Variants in CELF4 observed in about 807,000 individuals in gnomAD.
CELF4 encodes CUG-BP- and ETR-3-like factor 4.
Under a neutral mutation model 59.9 loss-of-function variants are expected in CELF4, and 18 were observed. That is an observed-to-expected ratio of 0.30 (90% CI 0.21 to 0.45). The LOEUF (loss-of-function observed/expected upper bound fraction) is 0.45, where lower values mean the gene tolerates loss of function less well. CELF4 is among the 20% of genes least tolerant of loss of function. The probability of loss-of-function intolerance (pLI) is 1.00; values close to 1 mark genes in which losing one functional copy is unlikely to be tolerated. For missense variants in CELF4, 456 were observed against 689.0 expected (o/e 0.66, Z 3.79); for synonymous variants, 261 against 267.1 (o/e 0.98, Z 0.22).
intron 2 of CELF4, among the ~76,000 whole-genome samples, chr18:37,419,336 G>A (rs932669668): frequency 1.3e-5 from 2 of 152,194 alleles, no homozygotes; most frequent in Non-Finnish European, 1.5e-5. Context: ...TGAGGAGGAG[G>A]TTAGTCCTTC....
At position 37,246,480 on chromosome 18, in the gene CELF4, C is replaced by A. The variant is rs1022140977; in HGVS notation, c.*45-1283G>T. On this transcript the variant is annotated intron_variant, in intron 12 of 12. Transcript: ENST00000420428. This position sits in a 1 kb window ranked among gnomAD's most constrained non-coding sequence, Gnocchi z 5.3. ...AGAAGTGGTTACAATACAAACCTTA[C>A]AATTGTTACCGGGCTCTCTTGCAGA... is the stretch of plus-strand genomic sequence containing the variant. Among the ~76,000 whole-genome samples the A allele has an allele frequency of 6.6e-6, 1 of 151,610 alleles. No individual in the cohort carries two copies. Among genetic ancestry groups the A allele is most frequent in the Non-Finnish European group, 1.5e-5 (1 of 67,938 alleles).
At chr18:37,297,879 C>T (rs1455544949) in intron 3 of CELF4, among the ~76,000 whole-genome samples, 1 of 151,662 alleles carries the variant, frequency 6.6e-6, no homozygotes, top group African/African-American at 2.4e-5. Flanking sequence ...GCCCAGATGC[C>T]AGACCCTGTG....
In CELF4 at chr18:37,274,793, G is replaced by T; in HGVS notation, c.657+12C>A. ...GCTGCCCTCGCCCCCGCCCCAAGGGGCCAGCACTCACCGGCATGGTCTGGC... is the reference window on the plus strand; with the variant it reads ...GCTGCCCTCGCCCCCGCCCCAAGGGTCCAGCACTCACCGGCATGGTCTGGC... On this transcript the variant is annotated intron_variant, in intron 5 of 12. Coordinates refer to ENST00000420428, the MANE Select transcript of CELF4 (RefSeq NM_020180.4). 6.3e-7 allele frequency: 1 copy of T among 1,579,822 alleles called. No individual in the cohort carries two copies.
intron 1 of CELF4, among the ~76,000 whole-genome samples, chr18:37,486,495 G>T (rs1273814006): frequency 2.0e-5 from 3 of 152,242 alleles, no homozygotes; most frequent in African/African-American, 7.2e-5. Context: ...GGCCAAGAGA[G>T]TGGGGATGGG....
chr18:37,265,041 GTACAT>G (rs1213398061), intron 9 of CELF4, among the ~76,000 whole-genome samples: 10 of 151,350 alleles, frequency 6.6e-5, no homozygotes, highest in African/African-American at 1.9e-4. Flanking sequence ...ACGTGTGTGT[GTACAT>G]TACATGTGTA....
chr18:37,414,487 T>C (rs56386931), intron 2 of CELF4, among the ~76,000 whole-genome samples: 9 of 127,472 alleles, frequency 7.1e-5, no homozygotes, highest in Non-Finnish European at 1.2e-4. Context: ...TCTACTCATT[T>C]TTTTTCTTTT....
intron 1 of CELF4, among the ~76,000 whole-genome samples, chr18:37,536,250 T>C (rs2099973398): frequency 6.6e-6 from 1 of 151,994 alleles, no homozygotes; most frequent in Admixed American, 6.6e-5. Flanking sequence ...CAAACAGGCT[T>C]TTCCAGGGAA....
chr18:37,531,686 G>C (rs1309511889), intron 1 of CELF4, among the ~76,000 whole-genome samples: 1 of 152,212 alleles, frequency 6.6e-6, no homozygotes, highest in Non-Finnish European at 1.5e-5. Flanking sequence ...AGAAGTTTGG[G>C]AATGGAGGAT....
intron 3 of CELF4, among the ~76,000 whole-genome samples, chr18:37,319,318 C>G (rs1017582862): frequency 1.3e-5 from 2 of 152,364 alleles, no homozygotes; most frequent in South Asian, 2.1e-4. Flanking sequence ...CACGTGGGCC[C>G]CTCACGCCTG....
chr18:37,474,720 A>G (rs1450163336), intron 2 of CELF4, among the ~76,000 whole-genome samples: 1 of 152,226 alleles, frequency 6.6e-6, no homozygotes, highest in Non-Finnish European at 1.5e-5. Context: ...CTGTCATCGG[A>G]GTTAGAGAGA....
intron 2 of CELF4, among the ~76,000 whole-genome samples, chr18:37,453,538 G>T (rs2099769887): frequency 6.6e-6 from 1 of 152,188 alleles, no homozygotes; most frequent in Non-Finnish European, 1.5e-5. Flanking sequence ...TGGGATTTAA[G>T]AGAAAGGGGT....
At chr18:37,528,292 A>G (rs1391568012) in intron 1 of CELF4, among the ~76,000 whole-genome samples, 2 of 152,242 alleles carry the variant, frequency 1.3e-5, no homozygotes, top group African/African-American at 4.8e-5. Context: ...GAATGCTTAC[A>G]TCTGTTGAAG....
chr18:37,520,365 A>G (rs1413998671), intron 1 of CELF4, among the ~76,000 whole-genome samples: 1 of 152,064 alleles, frequency 6.6e-6, no homozygotes, highest in East Asian at 1.9e-4. Context: ...TAAATAGGGC[A>G]TGTCTTCTCC....
At chr18:37,309,066 C>A (rs1284175477) in intron 3 of CELF4, among the ~76,000 whole-genome samples, 1 of 152,202 alleles carries the variant, frequency 6.6e-6, no homozygotes, top group African/African-American at 2.4e-5. Context: ...CTACTACCCA[C>A]CCATGCCAAA....
At chr18:37,305,742 G>T (rs1474215726) in intron 3 of CELF4, 1 of 152,206 alleles carries the variant, frequency 6.6e-6, no homozygotes, top group African/African-American at 2.4e-5. Context: ...CCTAAGTCAT[G>T]GTCTGGGGGA....
At position 37,398,607 on chromosome 18, in the gene CELF4, C is replaced by T. The variant is rs1196164646; in HGVS notation, c.370-76726G>A. ...GCTGCAGCCCATCCCTCCATCTCAC[C>T]CTCCTCCCTGGCCCACAGAGGTCCT... On this transcript the variant is annotated intron_variant, in intron 2 of 12. Coordinates refer to ENST00000420428, the MANE Select transcript of CELF4 (RefSeq NM_020180.4). Among the ~76,000 whole-genome samples the T allele has an allele frequency of 3.3e-5, 5 of 152,150 alleles. No individual in the cohort carries two copies. The East Asian group carries it at 5.8e-4, about 18-fold the overall frequency.
In CELF4 at chr18:37,318,459, C is replaced by G. The variant is rs1002713434; in HGVS notation, c.448+3344G>C. On this transcript the variant is annotated intron_variant, in intron 3 of 12. Transcript: ENST00000420428. ...CTTCTAAAATGTTCACTTCTCCCCC[C>G]TTCCCCTTCTCCCCAGAAGTATTTA... Among the ~76,000 whole-genome samples the G allele has an allele frequency of 4.6e-5, 7 of 151,824 alleles. No homozygotes were observed. In the East Asian group the frequency reaches 9.7e-4, roughly 21 times the overall value.
chr18:37,401,512 G>T (rs2099326496), intron 2 of CELF4, among the ~76,000 whole-genome samples: 2 of 152,152 alleles, frequency 1.3e-5, no homozygotes, highest in African/African-American at 4.8e-5. Context: ...ACAGGTCAAG[G>T]GCTGTCCATG....
In CELF4 at chr18:37,254,071, G is replaced by A. The variant is rs1280981434; in HGVS notation, c.1334-133C>T. 6.8e-5 allele frequency: 38 copies of A among 561,384 alleles called. No individual in the cohort carries two copies. Among genetic ancestry groups the A allele is most frequent in the Non-Finnish European group, 9.0e-5 (36 of 401,148 alleles). 34.8% of individuals were successfully genotyped at this position (561,384 alleles called of 1,614,324 possible). On this transcript the variant is annotated intron_variant, in intron 11 of 12. Transcript: ENST00000420428. This position sits in a 1 kb window ranked among gnomAD's most constrained non-coding sequence, Gnocchi z 5.1. Reference sequence around the variant, plus strand: ...CCCCTCGGGCCCCGCCCCCGGCCCCGCCCCGGTGCCCGCCCCTCTCCAGCC... The same window carrying A: ...CCCCTCGGGCCCCGCCCCCGGCCCCACCCCGGTGCCCGCCCCTCTCCAGCC...
Sources: gnomAD v4.1 joint callset for allele counts (sites outside exome capture counted in the v4.1 genomes callset) on GRCh38, gnomAD v4.1.1 for gene constraint, Gnocchi (gnomAD v3.1) non-coding constraint, MANE v1.5 for transcripts, NCBI Gene and HGNC (gene_info 2026-07-23, HGNC 2026-07-21) for gene names.